Variants in KIF6 observed in about 807,000 individuals in gnomAD.
KIF6 encodes kinesin family member 6, also known as kinesin-like protein KIF6.
KIF6 carries 106 observed loss-of-function variants against 112.7 expected under a neutral mutation model. That is an observed-to-expected ratio of 0.94 (90% CI 0.80 to 1.11). The LOEUF (loss-of-function observed/expected upper bound fraction) is 1.11, where lower values mean the gene tolerates loss of function less well. Among genes scored for constraint, KIF6 ranks in the 50% least tolerant of loss-of-function variants. KIF6 has a pLI of 0.00. For synonymous variants in KIF6, 339 were observed against 339.9 expected (o/e 1.00, Z 0.03); for missense variants, 929 against 964.0 (o/e 0.96, Z 0.48).
At chr6:39,604,697 C>T (rs1299906552) in intron 6 of KIF6, among the ~76,000 whole-genome samples, 1 of 152,082 alleles carries the variant, frequency 6.6e-6, no homozygotes, top group East Asian at 1.9e-4. Context: ...TAAAAACAAA[C>T]TTTGGAGCAA....
chr6:39,590,448 TA>T (rs58169435), intron 7 of KIF6, among the ~76,000 whole-genome samples: 5,422 of 110,186 alleles, frequency 0.049, 189 homozygotes, highest in East Asian at 0.14. Context: ...TATATATATA[TA>T]TATTTTTTTT....
chr6:39,710,677 C>T (rs191735117), intron 3 of KIF6, among the ~76,000 whole-genome samples: 118 of 152,228 alleles, frequency 7.8e-4, no homozygotes, highest in Non-Finnish European at 1.5e-3. Flanking sequence ...TCTTGCAGAA[C>T]TCAGAACCAC....
chr6:39,658,377 G>A (rs1437138345), intron 3 of KIF6, among the ~76,000 whole-genome samples: 1 of 152,010 alleles, frequency 6.6e-6, no homozygotes, highest in Admixed American at 6.6e-5. Context: ...GACACTTTTA[G>A]TTCGGAAAAT....
intron 3 of KIF6, among the ~76,000 whole-genome samples, chr6:39,640,085 G>T (rs917745948): frequency 7.9e-5 from 12 of 151,868 alleles, no homozygotes; most frequent in African/African-American, 2.9e-4. Flanking sequence ...CCTGTAATTT[G>T]GCAAACTGTC....
At chr6:39,640,875 C>T (rs189020504) in intron 3 of KIF6, among the ~76,000 whole-genome samples, 1 of 152,226 alleles carries the variant, frequency 6.6e-6, no homozygotes, top group African/African-American at 2.4e-5. Flanking sequence ...GCATCTGTTG[C>T]TGTGTAGGTA....
At chr6:39,359,387 T>A (rs1262477714) in intron 18 of KIF6, among the ~76,000 whole-genome samples, 1 of 152,174 alleles carries the variant, frequency 6.6e-6, no homozygotes, top group Non-Finnish European at 1.5e-5. Flanking sequence ...TGCAAAAAAT[T>A]ATCTGCAAAT....
chr6:39,637,102 T>A (rs939937689), intron 4 of KIF6, among the ~76,000 whole-genome samples: 1 of 152,058 alleles, frequency 6.6e-6, no homozygotes, highest in African/African-American at 2.4e-5. Flanking sequence ...GAATTCAGTA[T>A]ATGAATATAA....
chr6:39,391,667 C>T (rs543055350), intron 15 of KIF6, among the ~76,000 whole-genome samples: 9 of 152,076 alleles, frequency 5.9e-5, no homozygotes, highest in Non-Finnish European at 1.0e-4. Context: ...TAAAAATGGG[C>T]CTGCCCAGCA....
chr6:39,436,669 T>C (rs1318964994), intron 13 of KIF6, among the ~76,000 whole-genome samples: 1 of 152,130 alleles, frequency 6.6e-6, no homozygotes, highest in East Asian at 1.9e-4. Context: ...CAAAGATCAG[T>C]TGGTTGTAAA....
intron 16 of KIF6, among the ~76,000 whole-genome samples, chr6:39,370,830 G>C (rs1298888660): frequency 6.6e-6 from 1 of 152,098 alleles, no homozygotes; most frequent in Non-Finnish European, 1.5e-5. Context: ...TGCTGGGGGT[G>C]GGGGGCAAGA....
intron 10 of KIF6, among the ~76,000 whole-genome samples, chr6:39,556,835 G>A (rs1180036689): frequency 6.6e-6 from 1 of 152,164 alleles, no homozygotes; most frequent in Non-Finnish European, 1.5e-5. Context: ...AAACTAGGGA[G>A]TTTCCTGACA....
chr6:39,430,431 C>A (rs1771070153), intron 14 of KIF6, among the ~76,000 whole-genome samples: 1 of 152,152 alleles, frequency 6.6e-6, no homozygotes, highest in African/African-American at 2.4e-5. Flanking sequence ...CTCTAGACCC[C>A]TACATCTGAT....
chr6:39,385,794 C>T (rs1391422872), intron 15 of KIF6, 122 bp from the exon 16 acceptor site: 10 of 702,616 alleles, frequency 1.4e-5, no homozygotes, highest in East Asian at 2.6e-5. Flanking sequence ...GAAACAAAAG[C>T]AGGCATAGCT....
chr6:39,422,601 T>A (rs1262176812), intron 14 of KIF6, among the ~76,000 whole-genome samples: 1 of 151,928 alleles, frequency 6.6e-6, no homozygotes, highest in African/African-American at 2.4e-5. Context: ...CAACCCTGAG[T>A]GTGTAGAGGG....
intron 3 of KIF6, among the ~76,000 whole-genome samples, chr6:39,641,078 T>C (rs1394669786): frequency 6.6e-6 from 1 of 152,152 alleles, no homozygotes; most frequent in Non-Finnish European, 1.5e-5. Context: ...AAATTAGATA[T>C]ATAATTACAG....
At chr6:39,527,538 C>G (rs1777805491) in intron 13 of KIF6, among the ~76,000 whole-genome samples, 1 of 152,106 alleles carries the variant, frequency 6.6e-6, no homozygotes, top group Non-Finnish European at 1.5e-5. Context: ...AATCCCCTGG[C>G]TTGGCATTCA....
intron 12 of KIF6, among the ~76,000 whole-genome samples, chr6:39,543,437 A>G (rs1485357083): frequency 1.3e-5 from 2 of 152,106 alleles, no homozygotes; most frequent in Non-Finnish European, 2.9e-5. Flanking sequence ...GCTAAAACTC[A>G]CTTGAATCTG....
At chr6:39,573,585 A>G (rs937305178) in intron 10 of KIF6, among the ~76,000 whole-genome samples, 1 of 152,194 alleles carries the variant, frequency 6.6e-6, no homozygotes, top group Non-Finnish European at 1.5e-5. Context: ...CGTTTGCAAC[A>G]TTTGTTCTCC....
chr6:39,404,867 A>T (rs1283473425), intron 15 of KIF6, among the ~76,000 whole-genome samples: 1 of 151,696 alleles, frequency 6.6e-6, no homozygotes, highest in Admixed American at 6.6e-5. Flanking sequence ...TTGGGTTTCA[A>T]TGTAGAGATC....
Sources: allele counts gnomAD v4.1 joint callset (sites outside exome capture counted in the v4.1 genomes callset), GRCh38; gene constraint gnomAD v4.1.1; transcripts MANE v1.5; gene names NCBI Gene and HGNC (gene_info 2026-07-23, HGNC 2026-07-21).